The following EGFLAM variants were observed in gnomAD, a reference collection of about 807,000 sequenced individuals.
EGFLAM encodes the protein EGF like, fibronectin type III and laminin G domains.
Under a neutral mutation model 113.1 loss-of-function variants are expected in EGFLAM, and 79 were observed. The observed-to-expected ratio is 0.70, with a 90% CI of 0.58 to 0.84. EGFLAM has a LOEUF of 0.84. EGFLAM is among the 40% of genes least tolerant of loss of function. The pLI, the probability that EGFLAM is intolerant of heterozygous loss-of-function variation, is 0.00. For missense variants in EGFLAM, 1,265 were observed against 1,291.6 expected (o/e 0.98, Z 0.32); for synonymous variants, 504 against 487.6 (o/e 1.03, Z -0.44).
At chr5:38,423,199 T>C (rs1377030248) in intron 12 of EGFLAM, among the ~76,000 whole-genome samples, 2 of 152,196 alleles carry the variant, frequency 1.3e-5, no homozygotes, top group African/African-American at 2.4e-5. Flanking sequence ...TGGAGGAGTG[T>C]TCTTGCCTTT....
At chr5:38,319,614 G>C (rs1457991287) in intron 1 of EGFLAM, among the ~76,000 whole-genome samples, 1 of 152,188 alleles carries the variant, frequency 6.6e-6, no homozygotes, top group Non-Finnish European at 1.5e-5. Context: ...AACACTCCCG[G>C]ATTTCAGGAG....
chr5:38,303,980 T>TAA (rs11380692), intron 1 of EGFLAM, among the ~76,000 whole-genome samples: 2 of 151,026 alleles, frequency 1.3e-5, no homozygotes, highest in South Asian at 4.2e-4. Flanking sequence ...TACTAAAAAG[T>TAA]AAAAAAAATT....
At chr5:38,312,705 C>T (rs948962834) in intron 1 of EGFLAM, among the ~76,000 whole-genome samples, 12 of 152,156 alleles carry the variant, frequency 7.9e-5, no homozygotes, top group African/African-American at 2.9e-4. Flanking sequence ...AGCTTGGCAC[C>T]TGACACAGTC....
rs1275123130 is a variant in EGFLAM at position 38,458,356 on chromosome 5, C to T, written c.2733C>T (p.Ser911=). The T allele has an allele frequency of 6.2e-7, 1 of 1,614,064 alleles. No homozygotes were observed. The highest frequency in any genetic ancestry group is 8.5e-7 in the Non-Finnish European group (1 of 1,179,992). The change falls in exon 20 of 22, where the codon TCC becomes TCT. Residue 911 remains serine, a synonymous_variant. Transcript: ENST00000322350. ...SGVASIMVNG[S]FNDGRWHRVK... is the part of the protein sequence containing the mutation. ...TGGCATCCATCATGGTGAATGGCTC[C>T]TTCAACGATGGTCGGTGGCACCGAG...
At chr5:38,323,305 G>T (rs1278799887) in intron 1 of EGFLAM, among the ~76,000 whole-genome samples, 1 of 152,186 alleles carries the variant, frequency 6.6e-6, no homozygotes, top group East Asian at 1.9e-4. Context: ...ATTTCTATAA[G>T]AAATTGACCT....
At chr5:38,459,561 T>A (rs2112289473) in intron 20 of EGFLAM, among the ~76,000 whole-genome samples, 1 of 152,274 alleles carries the variant, frequency 6.6e-6, no homozygotes, top group South Asian at 2.1e-4. Context: ...TAGATGAAGG[T>A]CCCAGGAGAA....
Position 38,406,896 on chromosome 5 carries a change from A to G in EGFLAM, c.897A>G (p.Ile299Met), listed in dbSNP as rs1741304111. 6.2e-7 allele frequency: 1 copy of G among 1,614,202 alleles called. No homozygotes were observed. Residue 299 changes from isoleucine to methionine, a missense_variant, in exon 8 of 22, where the codon ATA (isoleucine) becomes ATG (methionine). Transcript: ENST00000322350. The stretch of plus-strand genomic sequence containing the variant: ...TGGTGGAAAGCAAGAAGATGTCTAT[A>G]TCTAACCCAAAGACCATTTCTAGGC... ...KFLVESKKMSISNPKTISRLI... is the reference protein window; with the variant it reads ...KFLVESKKMSMSNPKTISRLI...
intron 1 of EGFLAM, among the ~76,000 whole-genome samples, chr5:38,296,700 AT>A (rs1431385587): frequency 1.3e-5 from 2 of 151,328 alleles, no homozygotes; most frequent in Admixed American, 1.3e-4. Context: ...TTATAATTAT[AT>A]TTGTAATATA....
At chr5:38,413,568 G>A (rs551726465) in intron 11 of EGFLAM, among the ~76,000 whole-genome samples, 112 of 152,248 alleles carry the variant, frequency 7.4e-4, no homozygotes, top group African/African-American at 2.6e-3. Flanking sequence ...GGCAATTTTA[G>A]GACTATGTTC....
intron 6 of EGFLAM, among the ~76,000 whole-genome samples, chr5:38,389,568 TG>T (rs1377559523): frequency 1.3e-5 from 2 of 152,218 alleles, no homozygotes; most frequent in African/African-American, 4.8e-5. Context: ...ATAAAAATTT[TG>T]TCAGTTTATA....
intron 1 of EGFLAM, among the ~76,000 whole-genome samples, chr5:38,302,915 T>C (rs1361550878): frequency 1.3e-5 from 2 of 152,174 alleles, no homozygotes; most frequent in Non-Finnish European, 2.9e-5. Flanking sequence ...TCCTCACTAC[T>C]CCTGGCTATC....
At chr5:38,299,109 G>C (rs955257516) in intron 1 of EGFLAM, among the ~76,000 whole-genome samples, 2 of 152,210 alleles carry the variant, frequency 1.3e-5, no homozygotes. Context: ...ACTAGTGAGT[G>C]GTAGAGGCAG....
At chr5:38,261,033 C>T (rs938054699) in intron 1 of EGFLAM, among the ~76,000 whole-genome samples, 8 of 152,152 alleles carry the variant, frequency 5.3e-5, no homozygotes, top group Non-Finnish European at 7.4e-5. Flanking sequence ...CATACTGGAG[C>T]GGTTCTGTCT....
In EGFLAM at chr5:38,407,099, C is replaced by T. The variant is rs561735667; in HGVS notation, c.1100C>T (p.Ser367Leu). 98 of 1,614,014 alleles carry T rather than the reference C, an allele frequency of 6.1e-5. 1 individual carries two copies. Among genetic ancestry groups the T allele is most frequent in the South Asian group, 2.3e-4 (21 of 91,076 alleles). ...FCVNDYTWGGSRCQCTLGKGG... is the reference protein window; with the variant it reads ...FCVNDYTWGGLRCQCTLGKGG... ...GTCAATGACTACACCTGGGGGGGCT[C>T]GCGATGCCAGTGCACCCTGGGCAAA... The change falls in exon 8 of 22, where the codon TCG becomes TTG. Residue 367 changes from serine to leucine, a missense_variant. By Grantham distance (145) the Ser-to-Leu change is moderately radical. Coordinates refer to ENST00000322350, the MANE Select transcript of EGFLAM (RefSeq NM_152403.4).
chr5:38,463,712 C>A, intron 21 of EGFLAM, 120 bp from the exon 22 acceptor site: 1 of 1,233,026 alleles, frequency 8.1e-7, no homozygotes, highest in Non-Finnish European at 1.2e-6. Context: ...CCTCACATGT[C>A]CCATGAATCA....
At chr5:38,324,776 C>G (rs1401633323) in intron 1 of EGFLAM, among the ~76,000 whole-genome samples, 1 of 152,176 alleles carries the variant, frequency 6.6e-6, no homozygotes, top group African/African-American at 2.4e-5. Flanking sequence ...ACTGCATGCA[C>G]AGCTCTGAAC....
intron 6 of EGFLAM, among the ~76,000 whole-genome samples, chr5:38,389,758 A>G (rs1000909864): frequency 2.0e-5 from 3 of 151,794 alleles, no homozygotes. Flanking sequence ...CTTAGTTTGG[A>G]TTTTGTTTTC....
At chr5:38,417,988 C>T (rs1290312408) in intron 11 of EGFLAM, 78 bp from the exon 12 acceptor site, 6 of 1,398,452 alleles carry the variant, frequency 4.3e-6, no homozygotes, top group Admixed American at 2.0e-5. Flanking sequence ...TTAACCATGT[C>T]CCTCATAAAA....
In EGFLAM at chr5:38,438,314, T is replaced by G. The variant is rs143262017; in HGVS notation, c.2323T>G (p.Phe775Val). The stretch of plus-strand genomic sequence containing the variant: ...CCGAACCATCCATGTGAAGCATGAC[T>G]TCACCTCCGGAGTGAATGTGGAGAA... ...NDRTIHVKHDFTSGVNVENAA... is the reference protein window; with the variant it reads ...NDRTIHVKHDVTSGVNVENAA... Residue 775 changes from phenylalanine (F) to valine (V), a missense_variant, in exon 17 of 22, where the codon TTC becomes GTC. Transcript: ENST00000322350. 3.1e-6 allele frequency: 5 copies of G among 1,613,908 alleles called. No homozygotes were observed. In the African/African-American group the frequency reaches 6.7e-5, roughly 22 times the overall value.
Sources: allele counts gnomAD v4.1 joint callset (sites outside exome capture counted in the v4.1 genomes callset), GRCh38; gene constraint gnomAD v4.1.1; transcripts MANE v1.5; gene names NCBI Gene and HGNC (gene_info 2026-07-23, HGNC 2026-07-21).